The following UMAD1 variants were observed in gnomAD, a reference collection of about 807,000 sequenced individuals.
The protein encoded by UMAD1 is UBAP1-MVB12-associated (UMA)-domain containing protein 1.
A neutral mutation model predicts 6.1 loss-of-function variants in UMAD1; 8 were observed. The ratio of observed to expected loss-of-function variants is 1.30; its 90% confidence interval spans 0.76 to 2.35. UMAD1 has a LOEUF of 2.35. UMAD1 is among the 30% of genes most tolerant of loss of function. The probability of loss-of-function intolerance (pLI) is 0.00; values close to 1 mark genes in which losing one functional copy is unlikely to be tolerated. For missense variants in UMAD1, 130 were observed against 78.4 expected (o/e 1.66, Z -2.49); for synonymous variants, 56 against 31.4 (o/e 1.78, Z -2.61).
At chr7:7,744,816 C>T (rs2115210765) in intron 2 of UMAD1, among the ~76,000 whole-genome samples, 1 of 152,200 alleles carries the variant, frequency 6.6e-6, no homozygotes, top group African/African-American at 2.4e-5. Context: ...AGTCTAGATA[C>T]AAGCCTATTA....
chr7:7,800,558 T>C (rs1474873073), intron 2 of UMAD1, among the ~76,000 whole-genome samples: 1 of 152,186 alleles, frequency 6.6e-6, no homozygotes, highest in East Asian at 1.9e-4. Context: ...GTGTACACTA[T>C]ACCCAAAGTA....
At chr7:7,728,373 C>T (rs943488911) in intron 2 of UMAD1, among the ~76,000 whole-genome samples, 4 of 152,164 alleles carry the variant, frequency 2.6e-5, no homozygotes, top group Non-Finnish European at 5.9e-5. Context: ...AGGCCGGGCA[C>T]AGTGGCTCAC....
intron 3 of UMAD1, among the ~76,000 whole-genome samples, chr7:7,805,785 C>T (rs184461739): frequency 6.6e-6 from 1 of 152,214 alleles, no homozygotes. Flanking sequence ...ACTTGGCTTC[C>T]TCCTTATCAT....
At chr7:7,858,691 C>A (rs1784063653) in intron 3 of UMAD1, among the ~76,000 whole-genome samples, 1 of 152,152 alleles carries the variant, frequency 6.6e-6, no homozygotes, top group Non-Finnish European at 1.5e-5. Context: ...ACCAGCCTGA[C>A]CCATGGAAAA....
intron 2 of UMAD1, among the ~76,000 whole-genome samples, chr7:7,778,273 T>A (rs374862307): frequency 0.092 from 8,610 of 93,346 alleles, 350 homozygotes; most frequent in African/African-American, 0.16. Context: ...TGTGTGTGTG[T>A]GTGAGAGAGA....
At position 7,767,128 on chromosome 7, in the gene UMAD1, C is replaced by CTTTTTTTTTTTTTTTTTT. The variant is rs71014711; in HGVS notation, c.83-34528_83-34527insTTTTTTTTTTTTTTTTTT. ...AGTGAGCATTTCAAGAAATTAAGCT[C>CTTTTTTTTTTTTTTTTTT]TTTTTTTTTTTTTTGAGACGGACTC... On this transcript the variant is annotated intron_variant, in intron 2 of 3. Coordinates refer to ENST00000682710, the MANE Select transcript of UMAD1 (RefSeq NM_001302348.2). Among the ~76,000 whole-genome samples the CTTTTTTTTTTTTTTTTTT allele has an allele frequency of 9.9e-4, 129 of 129,764 alleles. 4 individuals carry two copies. Among genetic ancestry groups the CTTTTTTTTTTTTTTTTTT allele is most frequent in the East Asian group, 4.2e-3 (19 of 4,532 alleles). The allele number at this position is 129,764 out of a possible 152,430, so 85.1% of individuals were successfully genotyped here. A position where few individuals can be genotyped will look rare whatever the true frequency, so the allele number is the denominator to read the frequency against.
intron 3 of UMAD1, among the ~76,000 whole-genome samples, chr7:7,807,225 G>A (rs1348231758): frequency 6.6e-6 from 1 of 152,038 alleles, no homozygotes; most frequent in Non-Finnish European, 1.5e-5. Flanking sequence ...GATATTGTCT[G>A]GGGGAGTCAA....
chr7:7,718,590 CTCTTA>C (rs1321031690), intron 2 of UMAD1: 2 of 152,170 alleles, frequency 1.3e-5, no homozygotes, highest in African/African-American at 4.8e-5. Flanking sequence ...CTCTTGGAGC[CTCTTA>C]TCTGAGTAGC....
intron 2 of UMAD1, chr7:7,676,184 A>C (rs963594950): frequency 3.5e-5 from 14 of 398,504 alleles, no homozygotes; most frequent in Non-Finnish European, 4.9e-5. Flanking sequence ...TCGTGGCTCC[A>C]CGACTTACTC....
At chr7:7,875,955 A>G (rs926775328) in intron 3 of UMAD1, among the ~76,000 whole-genome samples, 2 of 152,184 alleles carry the variant, frequency 1.3e-5, no homozygotes, top group South Asian at 2.1e-4. Context: ...GCATGCTCCT[A>G]TAGTCCTAGC....
At chr7:7,810,221 C>G (rs915941177) in intron 3 of UMAD1, among the ~76,000 whole-genome samples, 1 of 151,840 alleles carries the variant, frequency 6.6e-6, no homozygotes, top group Non-Finnish European at 1.5e-5. Context: ...TATTCATAGT[C>G]AAAATACAAA....
chr7:7,706,106 C>T (rs534765122), intron 2 of UMAD1, among the ~76,000 whole-genome samples: 2 of 152,170 alleles, frequency 1.3e-5, no homozygotes, highest in Non-Finnish European at 2.9e-5. Flanking sequence ...ATGATGGAGT[C>T]AGGATGCTAC....
At chr7:7,765,531 A>G (rs1781968210) in intron 2 of UMAD1, among the ~76,000 whole-genome samples, 1 of 152,124 alleles carries the variant, frequency 6.6e-6, no homozygotes, top group South Asian at 2.1e-4. Context: ...TTAAAATTGA[A>G]ACTGTTTAGG....
chr7:7,709,002 G>T (rs1353286210), intron 2 of UMAD1, among the ~76,000 whole-genome samples: 2 of 151,926 alleles, frequency 1.3e-5, no homozygotes, highest in African/African-American at 2.4e-5. Context: ...AGGAAAAGAG[G>T]AGAGGAGGAG....
At position 7,828,259 on chromosome 7, in the gene UMAD1, A is replaced by G. The variant is rs535046209; in HGVS notation, c.156+26516A>G. ...GCATTCAGTAATAATAATAAAAGCT[A>G]TTATTTGTTGTTCTACTGTGGTTAG... On this transcript the variant is annotated intron_variant, in intron 3 of 3. Coordinates refer to ENST00000682710, the MANE Select transcript of UMAD1 (RefSeq NM_001302348.2). Among the ~76,000 whole-genome samples the G allele has an allele frequency of 3.9e-5, 6 of 152,284 alleles. 1 individual carries two copies. Among genetic ancestry groups the G allele is most frequent in the African/African-American group, 1.4e-4 (6 of 41,558 alleles).
chr7:7,731,834 TGTA>T (rs1178298159), intron 2 of UMAD1, among the ~76,000 whole-genome samples: 1 of 152,096 alleles, frequency 6.6e-6, no homozygotes, highest in African/African-American at 2.4e-5. Flanking sequence ...TCAGGAGAAG[TGTA>T]GTAGCTAAGG....
At chr7:7,643,106 G>A (rs888055087) in intron 1 of UMAD1, among the ~76,000 whole-genome samples, 1 of 152,116 alleles carries the variant, frequency 6.6e-6, no homozygotes, top group African/African-American at 2.4e-5. Context: ...GGCAATTACC[G>A]AATTTGCTTC....
chr7:7,687,921 C>T (rs1583737423), intron 2 of UMAD1, among the ~76,000 whole-genome samples: 1 of 152,186 alleles, frequency 6.6e-6, no homozygotes, highest in East Asian at 1.9e-4. Flanking sequence ...TTTCCTGATG[C>T]ACCAGCTGAA....
rs528583444 is a variant in UMAD1, at chr7:7,860,357, G to A, written c.157-16924G>A. ...CCATGGTTTGTGTTTCTCTCACTTC[G>A]GGCCCTTGCTAATTGTCTTCCATCT... On this transcript the variant is annotated intron_variant, in intron 3 of 3. Transcript: ENST00000682710. Among the ~76,000 whole-genome samples, 6 of 151,780 alleles carry A rather than the reference G, an allele frequency of 4.0e-5. No individual in the cohort carries two copies. In the South Asian group the frequency reaches 6.3e-4, roughly 16 times the overall value.
Sources: allele counts gnomAD v4.1 joint callset (sites outside exome capture counted in the v4.1 genomes callset), GRCh38; gene constraint gnomAD v4.1.1; transcripts MANE v1.5; gene names NCBI Gene and HGNC (gene_info 2026-07-23, HGNC 2026-07-21).